The following SETDB1 variants were observed in gnomAD, a reference collection of about 807,000 sequenced individuals.
SETDB1 encodes SET domain bifurcated histone lysine methyltransferase 1.
A neutral mutation model predicts 137.4 loss-of-function variants in SETDB1; 31 were observed. The observed-to-expected ratio is 0.23, with a 90% CI of 0.17 to 0.30. The LOEUF (loss-of-function observed/expected upper bound fraction) is 0.30, where lower values mean the gene tolerates loss of function less well. Among genes scored for constraint, SETDB1 ranks in the 10% least tolerant of loss-of-function variants. SETDB1 has a pLI of 1.00. For missense variants in SETDB1, 1,113 were observed against 1,631.5 expected (o/e 0.68, Z 5.47); for synonymous variants, 548 against 579.9 (o/e 0.95, Z 0.79).
intron 14 of SETDB1, among the ~76,000 whole-genome samples, chr1:150,952,206 C>A (rs190602790): frequency 6.6e-6 from 1 of 151,906 alleles, no homozygotes; most frequent in Admixed American, 6.6e-5. Flanking sequence ...GGATTTTAAG[C>A]TGCCAAGTGA....
intron 12 of SETDB1, 141 bp downstream of exon 12, chr1:150,949,666 A>G (rs925542341): frequency 3.1e-6 from 2 of 640,114 alleles, no homozygotes; most frequent in Non-Finnish European, 5.1e-6. Context: ...AGCTTTACCC[A>G]TAGAAGTTCC....
intron 1 of SETDB1, among the ~76,000 whole-genome samples, chr1:150,926,974 A>C (rs1030464085): frequency 5.9e-5 from 9 of 152,370 alleles, no homozygotes; most frequent in African/African-American, 1.9e-4. Flanking sequence ...GAAAACACTG[A>C]GTTAGTGAGT....
rs776189568 is a variant in SETDB1, at chr1:150,964,366, G to A, written c.*2G>A. ...GAATGCAGAGGACGTCTTCTTTAGA[G>A]GACAGCCTTCTTCCCAACCCTTCTT... On this transcript the variant is annotated 3_prime_UTR_variant, in exon 22 of 22. Transcript: ENST00000692827. 14 of 1,599,852 alleles carry A rather than the reference G, an allele frequency of 8.8e-6. No homozygotes were observed. Among genetic ancestry groups the A allele is most frequent in the Non-Finnish European group, 1.2e-5 (14 of 1,167,214 alleles).
intron 15 of SETDB1, among the ~76,000 whole-genome samples, chr1:150,959,955 C>G (rs1418511406): frequency 6.6e-6 from 1 of 151,918 alleles, no homozygotes; most frequent in Non-Finnish European, 1.5e-5. Flanking sequence ...TGCCTGTAAT[C>G]CCAGCTACTT....
At position 150,963,063 on chromosome 1, in the gene SETDB1, G is replaced by A. The variant is rs145830865; in HGVS notation, c.3384G>A (p.Ala1128=). The change falls in exon 19 of 22, where the codon GCG becomes GCA. Residue 1128 remains alanine, a synonymous_variant. Coordinates refer to ENST00000692827, the MANE Select transcript of SETDB1 (RefSeq NM_001366418.1). ...CTGCTGGTCAGACTTCGGCTACAGC[G>A]GTTGACAGTGATGATATCCAGACCA... The part of the protein sequence containing the change: ...KPTAGQTSAT[A]VDSDDIQTIS... 55 of 1,614,050 alleles carry A rather than the reference G, an allele frequency of 3.4e-5. 1 individual carries two copies. Among genetic ancestry groups the A allele is most frequent in the African/African-American group, 1.7e-4 (13 of 74,916 alleles).
chr1:150,943,793 G>T, intron 7 of SETDB1, 127 bp from the exon 8 acceptor site: 1 of 615,586 alleles, frequency 1.6e-6, no homozygotes, highest in East Asian at 2.7e-5. Context: ...GTAGTGGACT[G>T]GATTGTCTTC....
chr1:150,964,168 C>T (rs1358662767), intron 21 of SETDB1, 79 bp from the exon 22 acceptor site: 1 of 1,519,316 alleles, frequency 6.6e-7, no homozygotes, highest in Non-Finnish European at 9.1e-7. Context: ...TGATCCAACT[C>T]CACCTACATA....
chr1:150,926,636 G>A (rs1360557460), intron 1 of SETDB1, 119 bp downstream of exon 1: 3 of 459,456 alleles, frequency 6.5e-6, no homozygotes, highest in Non-Finnish European at 1.3e-5. Flanking sequence ...ACGGGGGCGG[G>A]GCTGAACTGG....
chr1:150,963,317 T>A, intron 19 of SETDB1, 178 bp downstream of exon 19: 1 of 726,988 alleles, frequency 1.4e-6, no homozygotes, highest in African/African-American at 1.8e-5. Flanking sequence ...CTCTCTCATT[T>A]CCATTTTTTT....
At chr1:150,945,721 T>G (rs1034912832) in intron 9 of SETDB1, among the ~76,000 whole-genome samples, 7 of 152,176 alleles carry the variant, frequency 4.6e-5, no homozygotes, top group Non-Finnish European at 1.0e-4. Context: ...TGCTTTTTGT[T>G]TGGTGTTTTG....
At chr1:150,940,304 G>A (rs977516109) in intron 4 of SETDB1, among the ~76,000 whole-genome samples, 47 of 152,070 alleles carry the variant, frequency 3.1e-4, no homozygotes, top group African/African-American at 1.0e-3. Flanking sequence ...ATTGGCTCAC[G>A]ACTGTAATCC....
intron 9 of SETDB1, among the ~76,000 whole-genome samples, chr1:150,946,677 A>G (rs1343359471): frequency 6.6e-6 from 1 of 151,990 alleles, no homozygotes; most frequent in Non-Finnish European, 1.5e-5. Context: ...TGAACTCCCA[A>G]CCTCGGGTGA....
chr1:150,949,518 A>T lies in SETDB1; in HGVS notation c.1576A>T (p.Thr526Ser). Residue 526 changes from threonine to serine, a missense_variant, in exon 12 of 22, where the codon ACA becomes TCA. Physicochemically the swap from Thr to Ser is moderately conservative, Grantham distance 58. Transcript: ENST00000692827. ...TGGTGGGAAACCTGGGATCAACCAG[A>T]CATATAGGTGAGAAAATCTGAGGCT... ...VSGGKPGINQ[T>S]YRSPLGSTAS... 1 of 1,613,960 alleles carries T rather than the reference A, an allele frequency of 6.2e-7. No homozygotes were observed. The highest frequency in any genetic ancestry group is 8.5e-7 in the Non-Finnish European group (1 of 1,179,956).
At chr1:150,945,292 A>C in intron 9 of SETDB1, 184 bp downstream of exon 9, 20 of 1,445,796 alleles carry the variant, frequency 1.4e-5, no homozygotes, top group Non-Finnish European at 1.6e-5. Context: ...GTCATTGTTG[A>C]AAATAAATTA....
chr1:150,944,871 A>AG (rs760443705), intron 8 of SETDB1, 47 bp from the exon 9 acceptor site: 1 of 1,604,942 alleles, frequency 6.2e-7, no homozygotes, highest in Non-Finnish European at 8.5e-7. Context: ...TTCCCTATCA[A>AG]GACATGCCCT....
intron 7 of SETDB1, among the ~76,000 whole-genome samples, chr1:150,943,478 A>C (rs1054398191): frequency 1.3e-5 from 2 of 152,186 alleles, no homozygotes; most frequent in Admixed American, 1.3e-4. Context: ...GGAGTTCGAG[A>C]CCAGCTTGGC....
chr1:150,962,513 T>A lies in SETDB1; in HGVS notation c.3162-74T>A, dbSNP rs111631860. On this transcript the variant is annotated intron_variant, in intron 17 of 21. Coordinates refer to ENST00000692827, the MANE Select transcript of SETDB1 (RefSeq NM_001366418.1). ...TTTTTGACCTGTCTCCAAATCTGCCTTCTCTCAAACCTAGGCTAGAAGCCT... is the reference window on the plus strand; with the variant it reads ...TTTTTGACCTGTCTCCAAATCTGCCATCTCTCAAACCTAGGCTAGAAGCCT... The A allele has an allele frequency of 6.0e-6, 9 of 1,489,736 alleles. No individual in the cohort carries two copies. In the Admixed American group the frequency reaches 8.6e-5, roughly 14 times the overall value. 92.3% of individuals were successfully genotyped at this position (1,489,736 alleles called of 1,614,324 possible).
chr1:150,935,942 A>G (rs1669932816), intron 3 of SETDB1, among the ~76,000 whole-genome samples: 1 of 152,122 alleles, frequency 6.6e-6, no homozygotes, highest in Non-Finnish European at 1.5e-5. Flanking sequence ...ATAATCTAGC[A>G]ACTCTGAGTT....
chr1:150,946,023 GTTT>G (rs1670316607), intron 9 of SETDB1, among the ~76,000 whole-genome samples: 2 of 151,348 alleles, frequency 1.3e-5, no homozygotes, highest in South Asian at 4.2e-4. Flanking sequence ...GTTTTGTTTT[GTTT>G]TGTTTTGTTT....
Sources: gnomAD v4.1 joint callset for allele counts (sites outside exome capture counted in the v4.1 genomes callset) on GRCh38, gnomAD v4.1.1 for gene constraint, MANE v1.5 for transcripts, NCBI Gene and HGNC (gene_info 2026-07-23, HGNC 2026-07-21) for gene names.